Variants in FRMD4A observed in about 807,000 individuals in gnomAD.
FRMD4A encodes the protein FERM domain-containing protein 4A.
A neutral mutation model predicts 129.1 loss-of-function variants in FRMD4A; 29 were observed. The observed-to-expected ratio is 0.22, with a 90% confidence interval of 0.17 to 0.31. The LOEUF is 0.31. Ranked by LOEUF, FRMD4A falls within the 10% of genes least tolerant of loss-of-function variation. The pLI, the probability that FRMD4A is intolerant of heterozygous loss-of-function variation, is 1.00. For synonymous variants in FRMD4A, 634 were observed against 571.6 expected (o/e 1.11, Z -1.56); for missense variants, 1,272 against 1,375.8 (o/e 0.92, Z 1.19).
At chr10:14,019,628 T>A (rs751092580) in intron 2 of FRMD4A, among the ~76,000 whole-genome samples, 5 of 152,212 alleles carry the variant, frequency 3.3e-5, no homozygotes, top group Non-Finnish European at 4.4e-5. Flanking sequence ...TTATGAATAT[T>A]GCCATGTACA....
intron 2 of FRMD4A, among the ~76,000 whole-genome samples, chr10:14,299,348 G>T (rs994678976): frequency 8.5e-5 from 13 of 152,178 alleles, no homozygotes; most frequent in African/African-American, 2.7e-4. Context: ...GGCCTGGGGA[G>T]AAGCTATTGA....
At chr10:14,079,552 A>G (rs946880719) in intron 2 of FRMD4A, among the ~76,000 whole-genome samples, 1 of 152,258 alleles carries the variant, frequency 6.6e-6, no homozygotes, top group Admixed American at 6.5e-5. Flanking sequence ...CCCCTGGAAT[A>G]ATGGTGTTTA....
At chr10:13,956,762 T>C (rs2095412341) in intron 2 of FRMD4A, among the ~76,000 whole-genome samples, 4 of 152,212 alleles carry the variant, frequency 2.6e-5, no homozygotes, top group Admixed American at 2.6e-4. Context: ...AAGATTCAAA[T>C]GAATCGACTT....
intron 3 of FRMD4A, among the ~76,000 whole-genome samples, chr10:13,829,031 C>T (rs896664398): frequency 1.3e-5 from 2 of 152,182 alleles, no homozygotes; most frequent in African/African-American, 4.8e-5. Context: ...TGAGAAATCT[C>T]CATACTGTTT....
At chr10:13,695,081 A>T (rs939525115) in intron 14 of FRMD4A, among the ~76,000 whole-genome samples, 2 of 152,198 alleles carry the variant, frequency 1.3e-5, no homozygotes, top group African/African-American at 4.8e-5. Context: ...CACAGCAGGT[A>T]AGAATAATTA....
chr10:14,216,296 TG>T (rs1379246311), intron 2 of FRMD4A, among the ~76,000 whole-genome samples: 1 of 152,192 alleles, frequency 6.6e-6, no homozygotes, highest in Non-Finnish European at 1.5e-5. Flanking sequence ...TAGGACTCCT[TG>T]GTTTCTTTGC....
intron 2 of FRMD4A, among the ~76,000 whole-genome samples, chr10:13,901,631 G>C (rs1048217160): frequency 2.0e-5 from 3 of 150,830 alleles, no homozygotes; most frequent in South Asian, 2.1e-4. Context: ...AAAAAGAATG[G>C]AAAAGATTTT....
Position 13,884,184 on chromosome 10 carries a change from ACACACACACACT to A in FRMD4A, c.46-25284_46-25273del, listed in dbSNP as rs1332317268. On this transcript the variant is annotated intron_variant, in intron 2 of 24. Coordinates refer to ENST00000357447, the MANE Select transcript of FRMD4A (RefSeq NM_018027.5). ...CACACACACTCACACACTCACACACACACACACACACTCACACACACACTCACACACACACAC... is the reference window on the plus strand; with the variant it reads ...CACACACACTCACACACTCACACACACACACACACACTCACACACACACAC... Among the ~76,000 whole-genome samples, 546 of 79,596 alleles carry A rather than the reference ACACACACACACT, an allele frequency of 6.9e-3. 15 individuals are homozygous for A. Among genetic ancestry groups the A allele is most frequent in the African/African-American group, 0.02 (458 of 23,172 alleles). 52.2% of individuals were successfully genotyped at this position (79,596 alleles called of 152,430 possible).
chr10:14,319,086 T>C (rs1246541614), intron 2 of FRMD4A, among the ~76,000 whole-genome samples: 1 of 152,194 alleles, frequency 6.6e-6, no homozygotes, highest in Non-Finnish European at 1.5e-5. Context: ...AGCTGTGGTC[T>C]AGCTAACAAT....
intron 2 of FRMD4A, among the ~76,000 whole-genome samples, chr10:14,043,705 G>A (rs191192046): frequency 6.6e-5 from 10 of 152,314 alleles, no homozygotes; most frequent in Admixed American, 3.9e-4. Context: ...CCATCCATCA[G>A]CATTACAATA....
intron 2 of FRMD4A, among the ~76,000 whole-genome samples, chr10:14,305,950 C>G (rs1310575537): frequency 6.6e-6 from 1 of 152,162 alleles, no homozygotes; most frequent in Admixed American, 6.5e-5. Context: ...TAGGGAGAAA[C>G]AAAACACATT....
intron 6 of FRMD4A, among the ~76,000 whole-genome samples, chr10:13,769,272 G>A (rs1022249604): frequency 6.6e-5 from 10 of 150,996 alleles, no homozygotes; most frequent in Non-Finnish European, 1.3e-4. Flanking sequence ...CGTGTCTGTG[G>A]TGTATTTTAT....
intron 2 of FRMD4A, among the ~76,000 whole-genome samples, chr10:14,128,932 T>A (rs548236535): frequency 1.3e-5 from 2 of 152,202 alleles, no homozygotes; most frequent in Admixed American, 1.3e-4. Flanking sequence ...CATGGATGGG[T>A]GCCTGGATGG....
chr10:13,734,124 G>C (rs1223318777), intron 12 of FRMD4A, among the ~76,000 whole-genome samples: 1 of 152,160 alleles, frequency 6.6e-6, no homozygotes, highest in Non-Finnish European at 1.5e-5. Context: ...AAGCCTGGGA[G>C]TCATTCTGCA....
chr10:14,238,358 T>C (rs1843907150), intron 2 of FRMD4A, among the ~76,000 whole-genome samples: 1 of 152,206 alleles, frequency 6.6e-6, no homozygotes, highest in African/African-American at 2.4e-5. Context: ...TTAACCACTG[T>C]GTGGCGTTCG....
intron 2 of FRMD4A, among the ~76,000 whole-genome samples, chr10:13,993,182 T>C (rs2095609706): frequency 6.6e-6 from 1 of 152,092 alleles, no homozygotes. Context: ...GTGACAAGTG[T>C]GAGCTGCTGT....
At chr10:14,135,643 T>G (rs1839493825) in intron 2 of FRMD4A, among the ~76,000 whole-genome samples, 1 of 152,204 alleles carries the variant, frequency 6.6e-6, no homozygotes, top group Non-Finnish European at 1.5e-5. Flanking sequence ...TGAGGAAGAT[T>G]CAGGTTTGTG....
intron 2 of FRMD4A, among the ~76,000 whole-genome samples, chr10:14,329,715 G>T (rs1843436492): frequency 6.6e-6 from 1 of 152,128 alleles, no homozygotes; most frequent in Non-Finnish European, 1.5e-5. Context: ...AACACAATCA[G>T]CTCAATTTAG....
chr10:14,123,937 T>C (rs1838680615), intron 2 of FRMD4A, among the ~76,000 whole-genome samples: 1 of 152,242 alleles, frequency 6.6e-6, no homozygotes, highest in African/African-American at 2.4e-5. Context: ...CAACTCATTC[T>C]GCAACCCATT....
Sources: allele counts gnomAD v4.1 joint callset (sites outside exome capture counted in the v4.1 genomes callset), GRCh38; gene constraint gnomAD v4.1.1; transcripts MANE v1.5; gene names NCBI Gene and HGNC (gene_info 2026-07-23, HGNC 2026-07-21).